The following THSD7A variants were observed in gnomAD, a reference collection of about 807,000 sequenced individuals.
THSD7A encodes thrombospondin type 1 domain containing 7A, also known as thrombospondin type-1 domain-containing protein 7A.
A neutral mutation model predicts 231.3 loss-of-function variants in THSD7A; 96 were observed. That is an observed-to-expected ratio of 0.41 (90% CI 0.35 to 0.49). THSD7A has a LOEUF of 0.49. Among genes scored for constraint, THSD7A ranks in the 20% least tolerant of loss-of-function variants. THSD7A has a pLI of 0.05. For missense variants in THSD7A, 2,290 were observed against 2,070.2 expected (o/e 1.11, Z -2.06); for synonymous variants, 940 against 743.3 (o/e 1.26, Z -4.30).
intron 4 of THSD7A, among the ~76,000 whole-genome samples, chr7:11,571,260 A>T (rs1790616429): frequency 6.6e-6 from 1 of 152,184 alleles, no homozygotes; most frequent in African/African-American, 2.4e-5. Context: ...GGTTCCACAG[A>T]TCCTTGATTT....
At chr7:11,391,090 G>A (rs184146519) in intron 23 of THSD7A, among the ~76,000 whole-genome samples, 2 of 152,242 alleles carry the variant, frequency 1.3e-5, no homozygotes, top group African/African-American at 4.8e-5. Flanking sequence ...CACTTGAGGA[G>A]TCAGTCTGTT....
chr7:11,698,037 T>C (rs1407571304), intron 1 of THSD7A, among the ~76,000 whole-genome samples: 1 of 151,432 alleles, frequency 6.6e-6, no homozygotes, highest in Non-Finnish European at 1.5e-5. Context: ...TTATAATCAT[T>C]ATATTAGCCT....
intron 8 of THSD7A, among the ~76,000 whole-genome samples, 199 bp from the exon 9 acceptor site, chr7:11,470,193 CCT>C (rs1399465688): frequency 3.3e-5 from 5 of 152,022 alleles, no homozygotes; most frequent in African/African-American, 9.7e-5. Flanking sequence ...CTCAATAAAG[CCT>C]CTCAAGGAAA....
intron 16 of THSD7A, among the ~76,000 whole-genome samples, chr7:11,424,153 C>A (rs1366247896): frequency 6.6e-6 from 1 of 150,784 alleles, no homozygotes; most frequent in East Asian, 1.9e-4. Flanking sequence ...GCTAGTGTGA[C>A]TGGGGAGATG....
At chr7:11,825,728 G>C (rs1440822621) in intron 1 of THSD7A, among the ~76,000 whole-genome samples, 1 of 152,086 alleles carries the variant, frequency 6.6e-6, no homozygotes, top group African/African-American at 2.4e-5. Context: ...AAAAGATTCA[G>C]GGAGATAAAA....
intron 4 of THSD7A, among the ~76,000 whole-genome samples, chr7:11,561,057 C>G (rs1167670964): frequency 6.6e-6 from 1 of 152,052 alleles, no homozygotes; most frequent in Non-Finnish European, 1.5e-5. Flanking sequence ...TGAAGTTGCC[C>G]TCAATTACAT....
chr7:11,469,933 AGTC>A lies in THSD7A; in HGVS notation c.2311_2313del (p.Asp771del), dbSNP rs1256927781. The A allele has an allele frequency of 3.1e-6, 5 of 1,603,552 alleles. No individual in the cohort carries two copies. Among genetic ancestry groups the A allele is most frequent in the Non-Finnish European group, 4.3e-6 (5 of 1,174,636 alleles). Reference sequence around the variant, plus strand: ...CAGTCACTATATGGGGTCACAATACAGTCCTTCTTACAAGGAAGCAGACAAGGC... The same window carrying A: ...CAGTCACTATATGGGGTCACAATACACTTCTTACAAGGAAGCAGACAAGGC... On this transcript the variant is annotated inframe_deletion, in exon 9 of 28. Coordinates refer to ENST00000423059, the MANE Select transcript of THSD7A (RefSeq NM_015204.3).
At chr7:11,466,077 C>T (rs1785692890) in intron 9 of THSD7A, among the ~76,000 whole-genome samples, 1 of 152,070 alleles carries the variant, frequency 6.6e-6, no homozygotes, top group Non-Finnish European at 1.5e-5. Flanking sequence ...TGGAATCCTA[C>T]TATTCTGTTT....
intron 1 of THSD7A, among the ~76,000 whole-genome samples, chr7:11,665,538 G>A (rs1783097632): frequency 6.6e-6 from 1 of 152,096 alleles, no homozygotes; most frequent in Admixed American, 6.6e-5. Context: ...GGTTTCTATA[G>A]TGTGACAATT....
intron 1 of THSD7A, among the ~76,000 whole-genome samples, chr7:11,775,977 T>C (rs537157651): frequency 2.0e-5 from 3 of 152,206 alleles, no homozygotes; most frequent in Non-Finnish European, 4.4e-5. Context: ...ACTATTATAA[T>C]TATAAAGATA....
chr7:11,751,854 G>A (rs1782513058), intron 1 of THSD7A, among the ~76,000 whole-genome samples: 1 of 151,892 alleles, frequency 6.6e-6, no homozygotes, highest in Non-Finnish European at 1.5e-5. Flanking sequence ...AAATGGGTCG[G>A]GACTGTCCCT....
At chr7:11,612,508 AAT>A (rs1333495794) in intron 2 of THSD7A, among the ~76,000 whole-genome samples, 5 of 152,362 alleles carry the variant, frequency 3.3e-5, no homozygotes, top group Non-Finnish European at 5.9e-5. Context: ...CTTACTTGTG[AAT>A]ATATATGTGT....
intron 1 of THSD7A, among the ~76,000 whole-genome samples, chr7:11,752,065 G>T (rs1782521142): frequency 6.6e-6 from 1 of 152,102 alleles, no homozygotes; most frequent in Non-Finnish European, 1.5e-5. Context: ...TATTTATTGA[G>T]AGAGCTTGTT....
At chr7:11,657,744 T>C (rs951480051) in intron 1 of THSD7A, among the ~76,000 whole-genome samples, 2 of 151,838 alleles carry the variant, frequency 1.3e-5, no homozygotes, top group African/African-American at 4.8e-5. Context: ...GTTCCCACTA[T>C]AGTGCTAGAC....
chr7:11,394,823 C>T (rs1309632881), intron 23 of THSD7A, among the ~76,000 whole-genome samples: 6 of 152,102 alleles, frequency 3.9e-5, no homozygotes, highest in Non-Finnish European at 7.4e-5. Context: ...TTTCATTCAT[C>T]GGTCGGCCAG....
chr7:11,741,800 T>G (rs1337205197), intron 1 of THSD7A, among the ~76,000 whole-genome samples: 1 of 151,964 alleles, frequency 6.6e-6, no homozygotes, highest in African/African-American at 2.4e-5. Flanking sequence ...ACTATTTGTA[T>G]CCATAATTTT....
intron 6 of THSD7A, among the ~76,000 whole-genome samples, chr7:11,505,066 T>C (rs891536931): frequency 5.3e-5 from 8 of 152,118 alleles, no homozygotes; most frequent in Non-Finnish European, 1.2e-4. Context: ...CATATTCTCA[T>C]TTGGTTCGGT....
chr7:11,689,864 C>T (rs1780179037), intron 1 of THSD7A, among the ~76,000 whole-genome samples: 1 of 150,224 alleles, frequency 6.7e-6, no homozygotes, highest in Non-Finnish European at 1.5e-5. Flanking sequence ...GCATTTCTGC[C>T]AAGCCAGGCT....
chr7:11,391,624 G>A (rs1373282278), intron 23 of THSD7A, among the ~76,000 whole-genome samples: 1 of 143,940 alleles, frequency 6.9e-6, no homozygotes, highest in Admixed American at 6.7e-5. Flanking sequence ...GCAGTGAATG[G>A]TTCTGTCCTG....
Sources: gnomAD v4.1 joint callset for allele counts (sites outside exome capture counted in the v4.1 genomes callset) on GRCh38, gnomAD v4.1.1 for gene constraint, MANE v1.5 for transcripts, NCBI Gene and HGNC (gene_info 2026-07-23, HGNC 2026-07-21) for gene names.